HS3ST3B1: variants seen among roughly 807,000 people sequenced by gnomAD.
HS3ST3B1 encodes heparan sulfate glucosamine 3-O-sulfotransferase 3B1.
A neutral mutation model predicts 21.3 loss-of-function variants in HS3ST3B1; 13 were observed. The observed-to-expected ratio is 0.61, with a 90% CI of 0.40 to 0.97. The LOEUF is 0.97. HS3ST3B1 is among the 50% of genes least tolerant of loss of function. HS3ST3B1 has a pLI of 0.00. For synonymous variants in HS3ST3B1, 234 were observed against 254.8 expected (o/e 0.92, Z 0.78); for missense variants, 459 against 554.8 (o/e 0.83, Z 1.73).
intron 1 of HS3ST3B1, among the ~76,000 whole-genome samples, chr17:14,334,079 A>G (rs747859619): frequency 6.6e-6 from 1 of 152,118 alleles, no homozygotes; most frequent in African/African-American, 2.4e-5. Context: ...GAACCTTTAA[A>G]TATCGATGGT....
chr17:14,320,705 C>T (rs187713428), intron 1 of HS3ST3B1, among the ~76,000 whole-genome samples: 27 of 152,294 alleles, frequency 1.8e-4, no homozygotes, highest in South Asian at 8.3e-4. Context: ...CCAGGTTCCA[C>T]GTCTTCGAAT....
intron 1 of HS3ST3B1, among the ~76,000 whole-genome samples, chr17:14,312,129 T>A (rs76000899): frequency 6.6e-6 from 1 of 152,090 alleles, no homozygotes. Flanking sequence ...AGCCTCCGTA[T>A]GCAAGAACTT....
chr17:14,309,301 G>A (rs1171492365), intron 1 of HS3ST3B1, among the ~76,000 whole-genome samples: 1 of 152,234 alleles, frequency 6.6e-6, no homozygotes, highest in Non-Finnish European at 1.5e-5. Context: ...TTCCCAGTGC[G>A]GGGGCAGGGC....
At chr17:14,317,385 G>C (rs1909532401) in intron 1 of HS3ST3B1, among the ~76,000 whole-genome samples, 1 of 152,198 alleles carries the variant, frequency 6.6e-6, no homozygotes, top group South Asian at 2.1e-4. Context: ...GTGGTAGGCA[G>C]GCATTGGGAA....
chr17:14,334,212 G>A (rs1910117576), intron 1 of HS3ST3B1, among the ~76,000 whole-genome samples: 1 of 151,962 alleles, frequency 6.6e-6, no homozygotes, highest in African/African-American at 2.4e-5. Flanking sequence ...GTTTGGGGGA[G>A]CCTGAGTCGT....
At chr17:14,314,226 G>A (rs551467633) in intron 1 of HS3ST3B1, among the ~76,000 whole-genome samples, 7 of 122,460 alleles carry the variant, frequency 5.7e-5, no homozygotes, top group African/African-American at 1.0e-4. Flanking sequence ...TGATCCACCC[G>A]CCTCGGCCTC....
intron 1 of HS3ST3B1, among the ~76,000 whole-genome samples, chr17:14,337,624 A>AGCACACCCAGCCTGGCTTATACCT (rs1567643463): frequency 6.6e-6 from 1 of 151,406 alleles, no homozygotes; most frequent in African/African-American, 2.4e-5. Flanking sequence ...GGTGTGAGCC[A>AGCACACCCAGCCTGGCTTATACCT]TTGCACCTGA....
At chr17:14,313,657 G>A (rs564097172) in intron 1 of HS3ST3B1, among the ~76,000 whole-genome samples, 16 of 152,020 alleles carry the variant, frequency 1.1e-4, no homozygotes, top group South Asian at 1.0e-3. Context: ...TGCAACCTCC[G>A]CCTTCCAGGT....
intron 1 of HS3ST3B1, among the ~76,000 whole-genome samples, chr17:14,305,966 T>C (rs1909126269): frequency 6.6e-6 from 1 of 152,174 alleles, no homozygotes; most frequent in African/African-American, 2.4e-5. Flanking sequence ...AAAGCTAATA[T>C]ACCAACCCAG....
intron 1 of HS3ST3B1, among the ~76,000 whole-genome samples, chr17:14,307,588 A>T (rs187954969): frequency 3.3e-5 from 5 of 152,310 alleles, no homozygotes; most frequent in Non-Finnish European, 7.4e-5. Context: ...CACACCAGGA[A>T]TTTTTTTAAA....
intron 1 of HS3ST3B1, 24 bp from the exon 2 acceptor site, chr17:14,345,004 G>A (rs771505496): frequency 1.2e-5 from 20 of 1,603,580 alleles, no homozygotes; most frequent in Admixed American, 3.4e-5. Context: ...TTCTGATCCC[G>A]GTTTGTTTGC....
In HS3ST3B1 at chr17:14,313,067, CA is replaced by C. The variant is rs1373789896; in HGVS notation, c.554+10996del. ...TTACAGACGCCCACCACACCACACC[CA>C]GCTAATTATTGTGTGTGTGTGTGTG... On this transcript the variant is annotated intron_variant, in intron 1 of 1. Transcript: ENST00000360954. Among the ~76,000 whole-genome samples the C allele has an allele frequency of 8.1e-5, 9 of 111,322 alleles. No individual in the cohort carries two copies. The East Asian group carries it at 3.8e-3, about 47-fold the overall frequency. 73.0% of individuals were successfully genotyped at this position (111,322 alleles called of 152,430 possible).
chr17:14,329,322 A>AAAGG (rs1491492914), intron 1 of HS3ST3B1: 1 of 99,992 alleles, frequency 1.0e-5, no homozygotes, highest in African/African-American at 4.1e-5. Context: ...AGAGAGAAAG[A>AAAGG]AAGAAAGAAA....
intron 1 of HS3ST3B1, among the ~76,000 whole-genome samples, chr17:14,309,340 C>T (rs927086676): frequency 6.6e-6 from 1 of 152,220 alleles, no homozygotes; most frequent in African/African-American, 2.4e-5. Flanking sequence ...CCGCCTCCCC[C>T]GCCCCTAGGC....
At chr17:14,336,992 G>A (rs1023989813) in intron 1 of HS3ST3B1, among the ~76,000 whole-genome samples, 4 of 152,156 alleles carry the variant, frequency 2.6e-5, no homozygotes, top group African/African-American at 7.2e-5. Flanking sequence ...ATCCGATGGC[G>A]AGAGGCTGAG....
intron 1 of HS3ST3B1, among the ~76,000 whole-genome samples, chr17:14,340,490 G>A (rs1910340742): frequency 1.3e-5 from 2 of 152,074 alleles, no homozygotes; most frequent in Non-Finnish European, 1.5e-5. Context: ...CCCCATCACT[G>A]CAAGACTCCA....
rs1843024472 is a variant in HS3ST3B1 at position 14,348,978 on chromosome 17, C to T, written c.*3332C>T. ...TTTTGTGTGACAGATATATTTTAGA[C>T]ATTTGGAGAAACAGTTTCAGATCCT... On this transcript the variant is annotated 3_prime_UTR_variant, in exon 2 of 2. Coordinates refer to ENST00000360954, the MANE Select transcript of HS3ST3B1 (RefSeq NM_006041.3). The T allele has an allele frequency of 6.6e-6, 1 of 152,050 alleles. No homozygotes were observed. The highest frequency in any genetic ancestry group is 1.5e-5 in the Non-Finnish European group (1 of 68,014). 9.4% of individuals were successfully genotyped at this position (152,050 alleles called of 1,614,324 possible). A position where few individuals can be genotyped will look rare whatever the true frequency, so the allele number is the denominator to read the frequency against.
chr17:14,345,705 A>G lies in HS3ST3B1; in HGVS notation c.*59A>G, dbSNP rs1399032383. On this transcript the variant is annotated 3_prime_UTR_variant, in exon 2 of 2. Transcript: ENST00000360954. ...TTATCTATTGACAGAGATTATATGT[A>G]TGTAAAATGTACAGAAATCTATTTT... 2.0e-6 allele frequency: 3 copies of G among 1,535,480 alleles called. No homozygotes were observed. Among genetic ancestry groups the G allele is most frequent in the Non-Finnish European group, 2.6e-6 (3 of 1,141,710 alleles).
intron 1 of HS3ST3B1, among the ~76,000 whole-genome samples, chr17:14,334,697 C>G (rs777818673): frequency 6.6e-6 from 1 of 152,122 alleles, no homozygotes; most frequent in East Asian, 1.9e-4. Context: ...TTTGGACATA[C>G]GTATAATGAC....
Sources: allele counts gnomAD v4.1 joint callset (sites outside exome capture counted in the v4.1 genomes callset), GRCh38; gene constraint gnomAD v4.1.1; transcripts MANE v1.5; gene names NCBI Gene and HGNC (gene_info 2026-07-23, HGNC 2026-07-21).